PPHLN1: variants seen among roughly 807,000 people sequenced by gnomAD.
PPHLN1 encodes the protein periphilin-1.
In PPHLN1, 29 loss-of-function variants were observed where a neutral mutation model predicts 51.3. The observed-to-expected ratio is 0.57, with a 90% CI of 0.42 to 0.77. PPHLN1 has a LOEUF of 0.77. Among genes scored for constraint, PPHLN1 ranks in the 30% least tolerant of loss-of-function variants. The pLI is 0.00. For missense variants in PPHLN1, 436 were observed against 438.4 expected (o/e 0.99, Z 0.05); for synonymous variants, 147 against 147.8 (o/e 0.99, Z 0.04).
intron 4 of PPHLN1, among the ~76,000 whole-genome samples, chr12:42,362,425 T>C (rs538907484): frequency 1.3e-5 from 2 of 152,322 alleles, no homozygotes; most frequent in South Asian, 4.1e-4. Flanking sequence ...GCTTTTGGTG[T>C]CATATCTAAG....
intron 2 of PPHLN1, among the ~76,000 whole-genome samples, chr12:42,347,600 T>C (rs2072546732): frequency 6.6e-6 from 1 of 152,092 alleles, no homozygotes; most frequent in South Asian, 2.1e-4. Flanking sequence ...ACCAGTACGG[T>C]GAAATCCTGT....
chr12:42,353,499 G>A (rs1194045897), intron 3 of PPHLN1, among the ~76,000 whole-genome samples: 1 of 152,186 alleles, frequency 6.6e-6, no homozygotes, highest in Non-Finnish European at 1.5e-5. Context: ...TTCCAAAGTT[G>A]TAATGAGACT....
intron 9 of PPHLN1, chr12:42,399,496 A>G: frequency 1.2e-6 from 1 of 840,912 alleles, no homozygotes; most frequent in South Asian, 5.5e-5. Context: ...GGTTATTTTC[A>G]TTTTATGAGG....
In PPHLN1 at chr12:42,331,158, G is replaced by T. The variant is rs547313888; in HGVS notation, c.-20-4725G>T. The stretch of plus-strand genomic sequence containing the variant: ...AAAGACCTATGTTCATCTGAAGTTT[G>T]AGGTCAATGTGACTTTGCTGTTCAG... On this transcript the variant is annotated intron_variant, in intron 1 of 9. Transcript: ENST00000358314. Among the ~76,000 whole-genome samples, 14 of 152,358 alleles carry T rather than the reference G, an allele frequency of 9.2e-5. No homozygotes were observed. The South Asian group carries it at 1.9e-3, about 20-fold the overall frequency.
At position 42,398,861 on chromosome 12, in the gene PPHLN1, C is replaced by T; in HGVS notation, c.776C>T (p.Ser259Phe). ...LPEISEYEAGSTAPLFTDQPE... is the reference protein window; with the variant it reads ...LPEISEYEAGFTAPLFTDQPE... ...TTCTAATTCCTTTTCAAGGCGGGAT[C>T]CACAGCACCATTGTTTACTGACCAG... Residue 259 changes from serine to phenylalanine, a missense_variant, in exon 9 of 10, where the codon TCC becomes TTC. Coordinates refer to ENST00000358314, the MANE Select transcript of PPHLN1 (RefSeq NM_201439.2). 1.2e-6 allele frequency: 2 copies of T among 1,613,216 alleles called. No homozygotes were observed. The highest frequency in any genetic ancestry group is 2.2e-5 in the South Asian group (2 of 90,936).
chr12:42,347,547 A>G (rs1413207031), intron 2 of PPHLN1, among the ~76,000 whole-genome samples: 1 of 152,222 alleles, frequency 6.6e-6, no homozygotes, highest in African/African-American at 2.4e-5. Flanking sequence ...TGGGAGGCGT[A>G]GGCAGGTGGA....
rs543591072 is a variant in PPHLN1, at chr12:42,363,162, G to A, written c.299+7940G>A. ...GAAGTCTGCTAGGATCCAGGAAACA[G>A]TAACAGTCTTAATTTATAACCTTGT... is the stretch of plus-strand genomic sequence containing the variant. On this transcript the variant is annotated intron_variant, in intron 4 of 9. Transcript: ENST00000358314. Among the ~76,000 whole-genome samples, 363 of 152,246 alleles carry A rather than the reference G, an allele frequency of 2.4e-3. 1 individual carries two copies. Among genetic ancestry groups the A allele is most frequent in the South Asian group, 0.011 (54 of 4,816 alleles).
At chr12:42,348,891 T>C (rs966229373) in intron 2 of PPHLN1, among the ~76,000 whole-genome samples, 1 of 152,074 alleles carries the variant, frequency 6.6e-6, no homozygotes, top group Non-Finnish European at 1.5e-5. Flanking sequence ...GAAGAATGAG[T>C]CAGTATATTC....
chr12:42,335,069 T>G (rs990949834), intron 1 of PPHLN1, among the ~76,000 whole-genome samples: 1 of 152,208 alleles, frequency 6.6e-6, no homozygotes, highest in Non-Finnish European at 1.5e-5. Flanking sequence ...TATTCTCATT[T>G]TCTCTTGTTT....
chr12:42,388,972 C>T (rs934820412), intron 7 of PPHLN1, among the ~76,000 whole-genome samples: 3 of 152,044 alleles, frequency 2.0e-5, no homozygotes, highest in Non-Finnish European at 4.4e-5. Flanking sequence ...GGCATGGTGG[C>T]TTACGCCGGT....
chr12:42,354,684 G>A (rs1290124787), intron 3 of PPHLN1, among the ~76,000 whole-genome samples: 1 of 152,096 alleles, frequency 6.6e-6, no homozygotes, highest in Non-Finnish European at 1.5e-5. Context: ...ATAAGTGACA[G>A]TTTCTTATAT....
intron 2 of PPHLN1, among the ~76,000 whole-genome samples, chr12:42,344,802 A>G (rs1425667208): frequency 1.4e-5 from 2 of 146,708 alleles, no homozygotes; most frequent in Non-Finnish European, 3.0e-5. Context: ...TCTGCCTCCC[A>G]GGCTCAAGCA....
downstream of PPHLN1, chr12:42,442,634 C>G (rs376932757): frequency 1.2e-6 from 2 of 1,613,772 alleles, no homozygotes; most frequent in South Asian, 1.1e-5. Flanking sequence ...TCCGGTCGCT[C>G]GGCCAGAGTC....
downstream of PPHLN1, chr12:42,448,478 C>T (rs562034845): frequency 6.6e-5 from 10 of 151,346 alleles, no homozygotes; most frequent in South Asian, 6.3e-4. Context: ...GTAAATTATC[C>T]GTTGTTTTTG....
chr12:42,384,490 G>C (rs1337403418), intron 5 of PPHLN1, among the ~76,000 whole-genome samples: 1 of 152,142 alleles, frequency 6.6e-6, no homozygotes, highest in Non-Finnish European at 1.5e-5. Flanking sequence ...TTTTTAACTG[G>C]TAGGGGTGAT....
chr12:42,417,109 G>T (rs1592866885), intron 9 of PPHLN1, among the ~76,000 whole-genome samples: 1 of 152,196 alleles, frequency 6.6e-6, no homozygotes, highest in Admixed American at 6.5e-5. Context: ...AAATGCAGAA[G>T]AATAAGTGCA....
At chr12:42,404,528 T>A (rs868850291) in intron 9 of PPHLN1, among the ~76,000 whole-genome samples, 3 of 150,892 alleles carry the variant, frequency 2.0e-5, no homozygotes, top group Admixed American at 6.6e-5. Context: ...AAACTCCGTC[T>A]CAACAACAAC....
intron 4 of PPHLN1, among the ~76,000 whole-genome samples, chr12:42,369,574 T>A (rs1192358999): frequency 6.6e-6 from 1 of 152,234 alleles, no homozygotes; most frequent in Non-Finnish European, 1.5e-5. Flanking sequence ...TATTATTTTG[T>A]TTATTCCTCA....
In PPHLN1 at chr12:42,381,031, G is replaced by C. The variant is rs77565570; in HGVS notation, c.512-3909G>C. On this transcript the variant is annotated intron_variant, in intron 5 of 9. Coordinates refer to ENST00000358314, the MANE Select transcript of PPHLN1 (RefSeq NM_201439.2). ...TTAGGTGACATCTGAAGGGTTAGTA[G>C]AAGGTGAAGGATGCTAGTGGAGAAG... 3.6e-3 allele frequency among the ~76,000 whole-genome samples: 543 copies of C among 152,322 alleles called. 7 individuals carry two copies. In the East Asian group the frequency reaches 0.049, roughly 14 times the overall value.
Sources: gnomAD v4.1 joint callset for allele counts (sites outside exome capture counted in the v4.1 genomes callset) on GRCh38, gnomAD v4.1.1 for gene constraint, MANE v1.5 for transcripts, NCBI Gene and HGNC (gene_info 2026-07-23, HGNC 2026-07-21) for gene names.